Variants in SYT14 observed in about 807,000 individuals in gnomAD.
SYT14 encodes synaptotagmin-14.
A neutral mutation model predicts 74.2 loss-of-function variants in SYT14; 32 were observed. The ratio of observed to expected loss-of-function variants is 0.43; its 90% CI spans 0.33 to 0.58. The LOEUF (loss-of-function observed/expected upper bound fraction) is 0.58, where lower values mean the gene tolerates loss of function less well. SYT14 is among the 20% of genes least tolerant of loss of function. The pLI, the probability that SYT14 is intolerant of heterozygous loss-of-function variation, is 0.05. For missense variants in SYT14, 791 were observed against 981.8 expected, an observed-to-expected ratio of 0.81 and a Z score of 2.60; for synonymous variants, 298 against 337.7, an observed-to-expected ratio of 0.88 and a Z score of 1.29.
intron 5 of SYT14, among the ~76,000 whole-genome samples, chr1:210,088,515 A>G (rs890614865): frequency 6.6e-6 from 1 of 152,074 alleles, no homozygotes; most frequent in Non-Finnish European, 1.5e-5. Flanking sequence ...AAATCATTCT[A>G]CTATGAAGGC....
chr1:209,973,008 T>G (rs1248337781), intron 2 of SYT14, among the ~76,000 whole-genome samples: 4 of 152,194 alleles, frequency 2.6e-5, no homozygotes, highest in African/African-American at 9.6e-5. Context: ...AGAATTTGTT[T>G]TATGAATCTG....
chr1:210,067,791 A>G (rs1001225416), intron 5 of SYT14, among the ~76,000 whole-genome samples: 5 of 151,916 alleles, frequency 3.3e-5, no homozygotes, highest in African/African-American at 1.2e-4. Context: ...CTGATAATAT[A>G]GAAATGTGAG....
chr1:210,146,893 C>T (rs190923652), intron 7 of SYT14, among the ~76,000 whole-genome samples: 3 of 151,438 alleles, frequency 2.0e-5, no homozygotes, highest in Admixed American at 6.6e-5. Context: ...CTCAGGAGAT[C>T]GAGACCATCT....
At chr1:210,035,296 G>A (rs74763157) in intron 5 of SYT14, among the ~76,000 whole-genome samples, 7 of 151,804 alleles carry the variant, frequency 4.6e-5, no homozygotes, top group Admixed American at 2.6e-4. Context: ...TGCATTCCTC[G>A]TAGATTCTGG....
intron 1 of SYT14, among the ~76,000 whole-genome samples, chr1:209,948,491 C>T (rs2078857778): frequency 6.6e-6 from 1 of 152,210 alleles, no homozygotes; most frequent in South Asian, 2.1e-4. Flanking sequence ...CTAAGCTTGT[C>T]ACTTTCTATC....
intron 1 of SYT14, 95 bp downstream of exon 1, chr1:209,938,372 C>A: frequency 2.2e-6 from 3 of 1,346,278 alleles, no homozygotes; most frequent in Non-Finnish European, 3.1e-6. Flanking sequence ...CTGACGGGGC[C>A]GCCTCCTGTG....
intron 7 of SYT14, among the ~76,000 whole-genome samples, chr1:210,139,989 C>T (rs1265669055): frequency 6.6e-6 from 1 of 152,080 alleles, no homozygotes; most frequent in East Asian, 1.9e-4. Flanking sequence ...GAGTATATGT[C>T]CAGTTCTAGA....
chr1:209,950,485 C>T (rs1375258493), intron 1 of SYT14, among the ~76,000 whole-genome samples: 1 of 152,112 alleles, frequency 6.6e-6, no homozygotes, highest in Non-Finnish European at 1.5e-5. Flanking sequence ...CTCCAGTTAG[C>T]ACTCTATTTT....
Position 210,039,372 on chromosome 1 carries a change from C to G in SYT14, c.1312+18118C>G, listed in dbSNP as rs998471770. ...ATAGCTGTAGTGCAGAATCTCCTGC[C>G]TCAGCCCCAATCAAGATGGATTAAA... On this transcript the variant is annotated intron_variant, in intron 5 of 9. Coordinates refer to ENST00000637265, the Ensembl canonical transcript of SYT14. 7.9e-5 allele frequency among the ~76,000 whole-genome samples: 12 copies of G among 152,080 alleles called. 1 individual carries two copies. The highest frequency in any genetic ancestry group is 3.9e-4 in the Admixed American group (6 of 15,246).
chr1:210,109,553 G>A (rs1302497984), intron 7 of SYT14, among the ~76,000 whole-genome samples: 1 of 149,428 alleles, frequency 6.7e-6, no homozygotes, highest in Admixed American at 6.7e-5. Flanking sequence ...ATTCCAGCTT[G>A]GCAACAGAGC....
At chr1:209,997,019 C>T (rs1414323684) in intron 2 of SYT14, among the ~76,000 whole-genome samples, 1 of 151,978 alleles carries the variant, frequency 6.6e-6, no homozygotes, top group Admixed American at 6.6e-5. Flanking sequence ...ACTGAGTGGG[C>T]AAAAGCTAGA....
chr1:209,983,935 A>C (rs2079531435), intron 2 of SYT14, among the ~76,000 whole-genome samples: 1 of 152,178 alleles, frequency 6.6e-6, no homozygotes, highest in South Asian at 2.1e-4. Flanking sequence ...AAAAGTCTTT[A>C]TTCCTTCTTG....
intron 5 of SYT14, among the ~76,000 whole-genome samples, chr1:210,040,936 A>C (rs1335440477): frequency 6.6e-6 from 1 of 152,188 alleles, no homozygotes; most frequent in Non-Finnish European, 1.5e-5. Context: ...CTGGGCTTCC[A>C]TGATCTCTGT....
intron 7 of SYT14, among the ~76,000 whole-genome samples, chr1:210,110,275 T>A (rs1050898245): frequency 1.6e-4 from 25 of 152,068 alleles, no homozygotes; most frequent in African/African-American, 3.1e-4. Flanking sequence ...ATAAAAAAAA[T>A]TTTTAAAAGA....
At chr1:210,029,872 A>G (rs1316545815) in intron 5 of SYT14, among the ~76,000 whole-genome samples, 1 of 152,170 alleles carries the variant, frequency 6.6e-6, no homozygotes, top group African/African-American at 2.4e-5. Context: ...TCTAAGCATC[A>G]ACATAGTGTG....
exon 10 of SYT14, chr1:210,161,172 T>A: frequency 2.0e-6 from 2 of 1,023,972 alleles, no homozygotes; most frequent in Non-Finnish European, 3.0e-6. Flanking sequence ...CAAAATGCTT[T>A]AAGTTCTATG....
At chr1:209,962,186 T>G (rs769386851) in intron 2 of SYT14, among the ~76,000 whole-genome samples, 15 of 152,030 alleles carry the variant, frequency 9.9e-5, no homozygotes, top group Non-Finnish European at 2.1e-4. Context: ...TAGTTTTAAT[T>G]ATTTTAAAAA....
intron 7 of SYT14, among the ~76,000 whole-genome samples, chr1:210,126,077 C>G (rs1237023666): frequency 3.3e-5 from 5 of 152,074 alleles, no homozygotes; most frequent in Non-Finnish European, 7.4e-5. Flanking sequence ...GTGGTGCACG[C>G]CTGTAATTCC....
intron 5 of SYT14, among the ~76,000 whole-genome samples, chr1:210,027,285 C>T (rs2080433950): frequency 6.6e-6 from 1 of 151,962 alleles, no homozygotes; most frequent in African/African-American, 2.4e-5. Flanking sequence ...CCTAGTGGCC[C>T]ATGCCTGTAA....
Sources: allele counts gnomAD v4.1 joint callset (sites outside exome capture counted in the v4.1 genomes callset), GRCh38; gene constraint gnomAD v4.1.1; transcripts MANE v1.5; gene names NCBI Gene and HGNC (gene_info 2026-07-23, HGNC 2026-07-21).